The following EFR3B variants were observed in gnomAD, a reference collection of about 807,000 sequenced individuals.
The protein encoded by EFR3B is protein EFR3 homolog B.
In EFR3B, 64 loss-of-function variants were observed where a neutral mutation model predicts 104.7. The ratio of observed to expected loss-of-function variants is 0.61; its 90% CI spans 0.50 to 0.75. The LOEUF (loss-of-function observed/expected upper bound fraction) is 0.75, where lower values mean the gene tolerates loss of function less well. Among genes scored for constraint, EFR3B ranks in the 30% least tolerant of loss-of-function variants. The pLI is 0.00. For missense variants in EFR3B, 750 were observed against 1,078.5 expected, an observed-to-expected ratio of 0.70 and a Z score of 4.27; for synonymous variants, 385 against 417.9, an observed-to-expected ratio of 0.92 and a Z score of 0.96.
intron 1 of EFR3B, chr2:25,080,825 A>G (rs1668783366): frequency 2.2e-6 from 2 of 918,900 alleles, no homozygotes; most frequent in Admixed American, 1.7e-5. Flanking sequence ...CTGAATCTTC[A>G]CCATTGGATT....
At chr2:25,081,265 C>CA in intron 1 of EFR3B, 2 of 1,051,068 alleles carry the variant, frequency 1.9e-6, no homozygotes, top group Non-Finnish European at 2.9e-6. Flanking sequence ...AGGCCACTTT[C>CA]AAATGTTCCT....
intron 1 of EFR3B, among the ~76,000 whole-genome samples, chr2:25,086,565 C>T (rs1447909893): frequency 6.6e-6 from 1 of 152,150 alleles, no homozygotes; most frequent in African/African-American, 2.4e-5. Context: ...ATCTCCTTTG[C>T]TGCGATGTCT....
At chr2:25,097,718 A>G (rs1669319857) in intron 3 of EFR3B, among the ~76,000 whole-genome samples, 1 of 152,200 alleles carries the variant, frequency 6.6e-6, no homozygotes, top group Non-Finnish European at 1.5e-5. Context: ...GCAAAAACCG[A>G]GCAGTCCTTC....
At position 25,144,938 on chromosome 2, in the gene EFR3B, CTCTGGGCTGCTTCTTCCCCAGA is replaced by C. The variant is rs1486087745; in HGVS notation, c.2051-20_2052del. ...ATCTCTGAGGGCTGGGAACTAAAGC[CTCTGGGCTGCTTCTTCCCCAGA>C]TGAGGATCGTTTATCCAAGAGGAGG... is the stretch of plus-strand genomic sequence containing the variant. On this transcript the variant is annotated splice_acceptor_variant and splice_polypyrimidine_tract_variant and coding_sequence_variant and intron_variant, in exon 19 of 23. Coordinates refer to ENST00000403714, the MANE Select transcript of EFR3B (RefSeq NM_014971.2). LOFTEE classifies it high-confidence loss of function. The C allele has an allele frequency of 2.6e-6, 4 of 1,548,646 alleles. No homozygotes were observed.
chr2:25,120,941 G>A (rs979831680), intron 4 of EFR3B, among the ~76,000 whole-genome samples: 1 of 152,032 alleles, frequency 6.6e-6, no homozygotes, highest in Admixed American at 6.5e-5. Flanking sequence ...TCGCTCTATC[G>A]CCCAGGCTGG....
rs1353823305 is a variant in EFR3B, at chr2:25,136,902, C to A, written c.1560+304C>A. Among the ~76,000 whole-genome samples the A allele has an allele frequency of 6.6e-6, 1 of 152,184 alleles. No individual in the cohort carries two copies. Among genetic ancestry groups the A allele is most frequent in the Non-Finnish European group, 1.5e-5 (1 of 68,026 alleles). On this transcript the variant is annotated intron_variant, in intron 14 of 22. Transcript: ENST00000403714. This position sits in a 1 kb window ranked among gnomAD's most constrained non-coding sequence, Gnocchi z 4.0. ...ATGTACTTCAGCCTGGGTGACAGAGCAAAAGTCACTGCTGACCACTGACTG... is the reference window on the plus strand; with the variant it reads ...ATGTACTTCAGCCTGGGTGACAGAGAAAAAGTCACTGCTGACCACTGACTG...
Position 25,139,170 on chromosome 2 carries a change from T to C in EFR3B, c.1834T>C (p.Phe612Leu), listed in dbSNP as rs1386322170. ...CAGTCAGCTCACAACAGTGCCTGCC[T>C]TCTGCCAGCACATCCATGAGGTTGG... ...LISQLTTVPA[F>L]CQHIHEVIET... Residue 612 changes from phenylalanine to leucine, a missense_variant, in exon 16 of 23, where the codon TTC becomes CTC. By Grantham distance (22) the Phe-to-Leu change is conservative. Transcript: ENST00000403714. 2 of 1,551,514 alleles carry C rather than the reference T, an allele frequency of 1.3e-6. No individual in the cohort carries two copies. Among genetic ancestry groups the C allele is most frequent in the Admixed American group, 2.0e-5 (1 of 50,944 alleles).
intron 1 of EFR3B, among the ~76,000 whole-genome samples, chr2:25,049,531 C>A (rs1667808897): frequency 6.6e-6 from 1 of 152,158 alleles, no homozygotes; most frequent in African/African-American, 2.4e-5. Context: ...ATATAAAGTT[C>A]AGTAAAGTTG....
intron 6 of EFR3B, among the ~76,000 whole-genome samples, chr2:25,129,208 G>A (rs1670255833): frequency 6.6e-6 from 1 of 151,424 alleles, no homozygotes; most frequent in African/African-American, 2.4e-5. Context: ...TTTTCCCCTC[G>A]GTGAAATGGA....
At chr2:25,133,250 C>T (rs1670431323) in intron 11 of EFR3B, 133 bp from the exon 12 acceptor site, 32 of 1,051,904 alleles carry the variant, frequency 3.0e-5, no homozygotes, top group South Asian at 8.6e-5. Flanking sequence ...TTCCTGGGTC[C>T]GGAAGTCACT....
chr2:25,070,158 C>T (rs990159000), intron 1 of EFR3B, among the ~76,000 whole-genome samples: 1 of 152,194 alleles, frequency 6.6e-6, no homozygotes, highest in Non-Finnish European at 1.5e-5. Context: ...TTAGCTAGTC[C>T]TCAATTTGGT....
intron 6 of EFR3B, among the ~76,000 whole-genome samples, chr2:25,129,205 C>T (rs921628345): frequency 2.0e-5 from 3 of 151,688 alleles, no homozygotes; most frequent in African/African-American, 4.8e-5. Context: ...CATTTTTCCC[C>T]TCGGTGAAAT....
intron 19 of EFR3B, among the ~76,000 whole-genome samples, chr2:25,149,162 A>G (rs892970812): frequency 2.0e-5 from 3 of 152,030 alleles, no homozygotes; most frequent in East Asian, 3.9e-4. Context: ...CAGCCTGACC[A>G]ACATGGTGAA....
intron 1 of EFR3B, chr2:25,079,809 T>A (rs565518546): frequency 5.7e-6 from 4 of 707,462 alleles, no homozygotes; most frequent in South Asian, 5.5e-5. Flanking sequence ...AATTACAACC[T>A]CCACACACCA....
chr2:25,143,868 A>T lies in EFR3B; in HGVS notation c.2050+6A>T, dbSNP rs1243528813. On this transcript the variant is annotated splice_donor_region_variant and intron_variant, in intron 18 of 22. Coordinates refer to ENST00000403714, the MANE Select transcript of EFR3B (RefSeq NM_014971.2). The stretch of plus-strand genomic sequence containing the variant: ...CTACATTCCTCAGCTGACAGGTATG[A>T]GTTCTGTGCAGGGATGCCCGGGCCT... 5 of 1,551,212 alleles carry T rather than the reference A, an allele frequency of 3.2e-6. No homozygotes were observed. Among genetic ancestry groups the T allele is most frequent in the African/African-American group, 1.4e-5 (1 of 73,020 alleles).
rs1044480853 is a variant in EFR3B at position 25,114,539 on chromosome 2, G to A, written c.364-7134G>A. On this transcript the variant is annotated intron_variant, in intron 4 of 22. Coordinates refer to ENST00000403714, the MANE Select transcript of EFR3B (RefSeq NM_014971.2). The surrounding 1 kb of genome is among the most constrained non-coding windows in gnomAD (Gnocchi z 4.0). ...AACAGAGCAAGAGTCCTGGCAGCCC[G>A]AGGGAATGGAATGGTCAACAGCCCG... Among the ~76,000 whole-genome samples, 3 of 152,178 alleles carry A rather than the reference G, an allele frequency of 2.0e-5. No individual in the cohort carries two copies. Among genetic ancestry groups the A allele is most frequent in the African/African-American group, 7.2e-5 (3 of 41,438 alleles).
intron 5 of EFR3B, among the ~76,000 whole-genome samples, chr2:25,124,608 C>T (rs369760107): frequency 4.6e-5 from 7 of 151,784 alleles, no homozygotes; most frequent in East Asian, 1.9e-4. Context: ...GGCGTGGTGG[C>T]GGGCACCTGT....
intron 12 of EFR3B, among the ~76,000 whole-genome samples, chr2:25,135,028 G>T (rs1046043484): frequency 6.6e-6 from 1 of 152,154 alleles, no homozygotes. Flanking sequence ...GGTGGTTGCC[G>T]TGTGTGTGAG....
intron 3 of EFR3B, among the ~76,000 whole-genome samples, chr2:25,096,964 C>T (rs945914832): frequency 4.6e-5 from 7 of 152,166 alleles, no homozygotes; most frequent in Admixed American, 3.3e-4. Flanking sequence ...ATCTACTGTG[C>T]ATGCTGATTA....
Sources: gnomAD v4.1 joint callset for allele counts (sites outside exome capture counted in the v4.1 genomes callset) on GRCh38, gnomAD v4.1.1 for gene constraint, Gnocchi (gnomAD v3.1) non-coding constraint, MANE v1.5 for transcripts, NCBI Gene and HGNC (gene_info 2026-07-23, HGNC 2026-07-21) for gene names.